Variants in PSD2 observed in about 807,000 individuals in gnomAD.
PSD2 encodes pleckstrin and Sec7 domain containing 2, also known as PH and SEC7 domain-containing protein 2.
PSD2 carries 38 observed loss-of-function variants against 69.8 expected under a neutral mutation model. The ratio of observed to expected loss-of-function variants is 0.54; its 90% CI spans 0.42 to 0.71. The LOEUF is 0.71. Among genes scored for constraint, PSD2 ranks in the 30% least tolerant of loss-of-function variants. The probability of loss-of-function intolerance (pLI) is 0.00; values close to 1 mark genes in which losing one functional copy is unlikely to be tolerated. For missense variants in PSD2, 943 were observed against 1,014.5 expected (o/e 0.93, Z 0.96); for synonymous variants, 412 against 423.0 (o/e 0.97, Z 0.32).
the PSD2 span, among the ~76,000 whole-genome samples, chr5:139,768,202 G>A: frequency 7.9e-5 from 12 of 152,258 alleles, no homozygotes; most frequent in Admixed American, 7.8e-4. Flanking sequence ...AGGAAGTGGG[G>A]AGGGGGAGGA....
At chr5:139,764,297 G>A in the PSD2 span, among the ~76,000 whole-genome samples, 2 of 152,212 alleles carry the variant, frequency 1.3e-5, no homozygotes, top group Non-Finnish European at 2.9e-5. Context: ...CACTGAGACC[G>A]TAAGCAAATG....
At chr5:139,832,496 T>C (rs1173096063) in intron 7 of PSD2, among the ~76,000 whole-genome samples, 1 of 152,214 alleles carries the variant, frequency 6.6e-6, no homozygotes, top group Non-Finnish European at 1.5e-5. Context: ...GCTAATAGAG[T>C]GTCTTTGCTA....
the PSD2 span, among the ~76,000 whole-genome samples, chr5:139,743,288 C>T: frequency 4.6e-5 from 7 of 152,194 alleles, no homozygotes; most frequent in Non-Finnish European, 1.0e-4. Flanking sequence ...ACAGAGCAGA[C>T]GTCTCTCTGG....
the PSD2 span, among the ~76,000 whole-genome samples, chr5:139,743,418 G>A: frequency 1.3e-5 from 2 of 152,186 alleles, no homozygotes; most frequent in African/African-American, 2.4e-5. Flanking sequence ...AGTGTGTGGA[G>A]GTTGTGGGGG....
intron 5 of PSD2, among the ~76,000 whole-genome samples, chr5:139,821,215 G>A (rs1484067804): frequency 6.6e-6 from 1 of 152,214 alleles, no homozygotes; most frequent in African/African-American, 2.4e-5. Context: ...TTATAGGCGT[G>A]AGCCACCGCG....
chr5:139,811,696 G>A (rs1759968168), intron 2 of PSD2, among the ~76,000 whole-genome samples: 2 of 152,006 alleles, frequency 1.3e-5, no homozygotes, highest in South Asian at 2.1e-4. Context: ...CCGGGTTCAC[G>A]CTATTCTTCT....
chr5:139,832,048 G>A (rs1760608932), intron 7 of PSD2, among the ~76,000 whole-genome samples: 1 of 152,214 alleles, frequency 6.6e-6, no homozygotes, highest in African/African-American at 2.4e-5. Flanking sequence ...ACACTCCCCT[G>A]CAGGATCCTC....
chr5:139,796,148 A>G (rs1759520292), intron 1 of PSD2, among the ~76,000 whole-genome samples, 173 bp downstream of exon 1: 2 of 151,924 alleles, frequency 1.3e-5, no homozygotes, highest in Admixed American at 6.5e-5. Context: ...CGGCGTCTGG[A>G]GCATCCGAAG....
At chr5:139,816,786 C>CA (rs1247226672) in intron 4 of PSD2, among the ~76,000 whole-genome samples, 9 of 152,350 alleles carry the variant, frequency 5.9e-5, no homozygotes, top group African/African-American at 2.2e-4. Flanking sequence ...GCCAGCTTGT[C>CA]TGTGCCCTCT....
chr5:139,807,848 T>C (rs1276103375), intron 1 of PSD2, among the ~76,000 whole-genome samples: 1 of 152,190 alleles, frequency 6.6e-6, no homozygotes, highest in Non-Finnish European at 1.5e-5. Flanking sequence ...ACCCCAGTGT[T>C]CCCACACTTG....
chr5:139,764,351 G>A, the PSD2 span, among the ~76,000 whole-genome samples: 1 of 152,196 alleles, frequency 6.6e-6, no homozygotes, highest in Non-Finnish European at 1.5e-5. Flanking sequence ...GGCTTGGGCT[G>A]CAGTTCCGCC....
Position 139,809,580 on chromosome 5 carries a change from G to A in PSD2, c.140G>A (p.Gly47Glu), listed in dbSNP as rs576435152. ...CTGAACAGCAGCCTCTGCAGCCCAG[G>A]GCACGAGCGAAGGGGCACCCCAGCG... ...EGLNSSLCSP[G>E]HERRGTPADT... is the part of the protein sequence containing the mutation. The change falls in exon 2 of 15, where the codon GGG (glycine) becomes GAG (glutamate). Residue 47 changes from glycine to glutamate, a missense_variant. Around this residue, in one of 3 missense-constraint regions of PSD2, gnomAD observed 466 missense variants for 445.0 expected, o/e 1.05. Coordinates refer to ENST00000274710, the MANE Select transcript of PSD2 (RefSeq NM_032289.4). 4.3e-6 allele frequency: 7 copies of A among 1,614,190 alleles called. No homozygotes were observed. Among genetic ancestry groups the A allele is most frequent in the African/African-American group, 1.3e-5 (1 of 75,076 alleles).
the PSD2 span, among the ~76,000 whole-genome samples, chr5:139,749,832 CAAAACAAACAAACAAACA>C: frequency 0.15 from 22,025 of 151,336 alleles, 1,632 homozygotes; most frequent in African/African-American, 0.21. Context: ...ACCATCTCTA[CAAAACAAACAAACAAACA>C]AAAACAAACA....
chr5:139,789,536 C>A, the PSD2 span, among the ~76,000 whole-genome samples: 1 of 152,228 alleles, frequency 6.6e-6, no homozygotes, highest in African/African-American at 2.4e-5. Flanking sequence ...CGAGATCATG[C>A]CCCTGCATTC....
chr5:139,812,239 G>GA (rs1341910432), intron 2 of PSD2, among the ~76,000 whole-genome samples: 6 of 152,110 alleles, frequency 3.9e-5, no homozygotes, highest in African/African-American at 1.4e-4. Flanking sequence ...GAAAAAGTAG[G>GA]AAAAAAGGGG....
chr5:139,794,699 A>G (rs1204499242), upstream of PSD2, among the ~76,000 whole-genome samples: 2 of 152,158 alleles, frequency 1.3e-5, no homozygotes, highest in Non-Finnish European at 2.9e-5. Context: ...GGGCTGGAGT[A>G]GGGGAGAGGG....
the PSD2 span, among the ~76,000 whole-genome samples, chr5:139,774,291 C>T: frequency 6.6e-6 from 1 of 152,070 alleles, no homozygotes; most frequent in Non-Finnish European, 1.5e-5. Flanking sequence ...AAGAAAGCAG[C>T]CAGTGGTGGA....
At chr5:139,749,785 T>C in the PSD2 span, among the ~76,000 whole-genome samples, 1 of 148,880 alleles carries the variant, frequency 6.7e-6, no homozygotes, top group Non-Finnish European at 1.5e-5. Flanking sequence ...TGCTTGAGCC[T>C]AGGAGTTTGA....
At position 139,813,609 on chromosome 5, in the gene PSD2, C is replaced by A; in HGVS notation, c.672C>A (p.Arg224=). 1 of 1,613,886 alleles carries A rather than the reference C, an allele frequency of 6.2e-7. No homozygotes were observed. The highest frequency in any genetic ancestry group is 8.5e-7 in the Non-Finnish European group (1 of 1,179,912). Residue 224 remains arginine (R), a synonymous_variant, in exon 3 of 15, where the codon CGC becomes CGA. Coordinates refer to ENST00000274710, the MANE Select transcript of PSD2 (RefSeq NM_032289.4). Reference sequence around the variant, plus strand: ...GGGAGCTGGGCAGCCCCCTGCGGCGCTCCATCTCCAGCAGCCGCTCTGAGA... The same window carrying A: ...GGGAGCTGGGCAGCCCCCTGCGGCGATCCATCTCCAGCAGCCGCTCTGAGA... ...GDGELGSPLR[R]SISSSRSENV... is the part of the protein sequence containing the mutation.
Sources: allele counts gnomAD v4.1 joint callset (sites outside exome capture counted in the v4.1 genomes callset), GRCh38; gene constraint gnomAD v4.1.1; regional missense constraint gnomAD v4.1.1; transcripts MANE v1.5; gene names NCBI Gene and HGNC (gene_info 2026-07-23, HGNC 2026-07-21).